The following NNT variants were observed in gnomAD, a reference collection of about 807,000 sequenced individuals.
The protein encoded by NNT is NAD(P) transhydrogenase, mitochondrial.
NNT carries 50 observed loss-of-function variants against 104.8 expected under a neutral mutation model. That is an observed-to-expected ratio of 0.48 (90% CI 0.38 to 0.60). The LOEUF (loss-of-function observed/expected upper bound fraction) is 0.60. Among genes scored for constraint, NNT ranks in the 20% least tolerant of loss-of-function variants. The probability of loss-of-function intolerance (pLI) is 0.00; values close to 1 mark genes in which losing one functional copy is unlikely to be tolerated. For missense variants in NNT, 1,131 were observed against 1,330.7 expected (o/e 0.85, Z 2.33); for synonymous variants, 461 against 490.4 (o/e 0.94, Z 0.79).
chr5:43,696,634 C>T (rs1742571838), intron 19 of NNT, among the ~76,000 whole-genome samples: 1 of 152,166 alleles, frequency 6.6e-6, no homozygotes. Context: ...TGTGAGGGCC[C>T]CACCCCCGTG....
At chr5:43,649,424 A>T (rs1314831539) in intron 11 of NNT, 116 bp downstream of exon 11, 1 of 1,213,318 alleles carries the variant, frequency 8.2e-7, no homozygotes, top group Admixed American at 2.0e-5. Flanking sequence ...TTGGCATCTG[A>T]GTCATCTGCT....
chr5:43,616,148 G>T, intron 4 of NNT, 83 bp downstream of exon 4: 1 of 1,085,896 alleles, frequency 9.2e-7, no homozygotes, highest in East Asian at 2.4e-5. Flanking sequence ...GTCTTACAGT[G>T]ATTTTATTTG....
chr5:43,625,910 A>G (rs986537402), intron 6 of NNT, among the ~76,000 whole-genome samples: 5 of 152,168 alleles, frequency 3.3e-5, no homozygotes, highest in Non-Finnish European at 7.4e-5. Flanking sequence ...TTAAAAATGT[A>G]ATTTTACTGT....
intron 19 of NNT, among the ~76,000 whole-genome samples, chr5:43,696,962 C>T (rs1272030684): frequency 2.0e-5 from 3 of 152,132 alleles, no homozygotes; most frequent in South Asian, 2.1e-4. Context: ...TTGCAAAGGT[C>T]GCTGACATGC....
At chr5:43,694,948 G>C (rs1160874115) in intron 19 of NNT, among the ~76,000 whole-genome samples, 1 of 152,102 alleles carries the variant, frequency 6.6e-6, no homozygotes, top group East Asian at 1.9e-4. Context: ...CTTTATTTTG[G>C]TTGGTAGACT....
At chr5:43,633,491 TC>T (rs1750788076) in intron 7 of NNT, among the ~76,000 whole-genome samples, 1 of 152,210 alleles carries the variant, frequency 6.6e-6, no homozygotes, top group Admixed American at 6.5e-5. Flanking sequence ...AATTACTACA[TC>T]CTCCATAGTT....
chr5:43,678,630 TCTTAAAAGAGAGGC>T (rs958581612), intron 19 of NNT, among the ~76,000 whole-genome samples: 7 of 152,160 alleles, frequency 4.6e-5, no homozygotes, highest in Admixed American at 2.0e-4. Flanking sequence ...AAACAAAAGG[TCTTAAAAGAGAGGC>T]CTTGAAGAGC....
intron 7 of NNT, among the ~76,000 whole-genome samples, chr5:43,636,531 A>G (rs1422379668): frequency 6.6e-6 from 1 of 152,190 alleles, no homozygotes; most frequent in East Asian, 1.9e-4. Flanking sequence ...GAAAATAAGC[A>G]GTACTGTTTC....
chr5:43,622,777 T>G (rs2111638938), intron 5 of NNT, among the ~76,000 whole-genome samples: 1 of 152,282 alleles, frequency 6.6e-6, no homozygotes, highest in African/African-American at 2.4e-5. Context: ...CACTGTGTCT[T>G]TTTCTTTACT....
intron 19 of NNT, among the ~76,000 whole-genome samples, chr5:43,684,375 C>CT (rs916995064): frequency 6.6e-6 from 1 of 151,896 alleles, no homozygotes; most frequent in Non-Finnish European, 1.5e-5. Flanking sequence ...TAAATGAACA[C>CT]TTTTTTTTCA....
chr5:43,618,013 A>G (rs1428752527), intron 4 of NNT, among the ~76,000 whole-genome samples: 1 of 152,196 alleles, frequency 6.6e-6, no homozygotes, highest in East Asian at 1.9e-4. Flanking sequence ...GCTTTATAAT[A>G]TTGAGCCAGT....
Position 43,605,924 on chromosome 5 carries a change from A to G in NNT, c.-54+2630A>G, listed in dbSNP as rs111838420. 4.8e-3 allele frequency among the ~76,000 whole-genome samples: 730 copies of G among 152,252 alleles called. 6 individuals are homozygous for G. The highest frequency in any genetic ancestry group is 0.016 in the African/African-American group (656 of 41,540). On this transcript the variant is annotated intron_variant, in intron 1 of 21. Transcript: ENST00000344920. Reference sequence around the variant, plus strand: ...CCTGCCAAGGATCTGCTGAACATCAAATTACCATTTTCCAAGTAGAAGGAA... The same window carrying G: ...CCTGCCAAGGATCTGCTGAACATCAGATTACCATTTTCCAAGTAGAAGGAA...
chr5:43,702,844 G>C lies in NNT; in HGVS notation c.3111+108G>C, dbSNP rs977880083. On this transcript the variant is annotated intron_variant, in intron 21 of 21. Transcript: ENST00000344920. Reference sequence around the variant, plus strand: ...AAGAAATGATGATGCCTTCTAGGAGGCCAGGAGTAAGAGCATGTTTAGGGC... The same window carrying C: ...AAGAAATGATGATGCCTTCTAGGAGCCCAGGAGTAAGAGCATGTTTAGGGC... The C allele has an allele frequency of 1.2e-5, 9 of 750,280 alleles. No homozygotes were observed. The African/African-American group carries it at 1.6e-4, about 13-fold the overall frequency. The allele number at this position is 750,280 out of a possible 1,614,324, so 46.5% of individuals were successfully genotyped here.
rs1292529834 is a variant in NNT at position 43,707,064 on chromosome 5, A to G, written c.*2660A>G. 6.6e-6 allele frequency: 1 copy of G among 152,178 alleles called. No homozygotes were observed. 9.4% of individuals were successfully genotyped at this position (152,178 alleles called of 1,614,324 possible). Reference sequence around the variant, plus strand: ...CAGCACACCAACATGGCACATGTATACATATGTAGCAAACCTGCACGTTGT... The same window carrying G: ...CAGCACACCAACATGGCACATGTATGCATATGTAGCAAACCTGCACGTTGT... On this transcript the variant is annotated 3_prime_UTR_variant, in exon 22 of 22. Transcript: ENST00000344920.
At chr5:43,672,030 C>A (rs1425627619) in intron 17 of NNT, among the ~76,000 whole-genome samples, 12 of 152,176 alleles carry the variant, frequency 7.9e-5, no homozygotes, top group African/African-American at 2.9e-4. Flanking sequence ...TCATTTCATT[C>A]ATTCGATCTT....
rs1414933779 is a variant in NNT at position 43,707,390 on chromosome 5, AAAAT to A, written c.*2989_*2992del. The A allele has an allele frequency of 6.6e-6, 1 of 152,170 alleles. No homozygotes were observed. Among genetic ancestry groups the A allele is most frequent in the African/African-American group, 2.4e-5 (1 of 41,458 alleles). 9.4% of individuals were successfully genotyped at this position (152,170 alleles called of 1,614,324 possible). A position where few individuals can be genotyped will look rare whatever the true frequency, so the allele number is the denominator to read the frequency against. ...TATACACAATAAATACATACATTAA[AAAAT>A]AAGTAAATGTATAAGTTTTTACACA... On this transcript the variant is annotated 3_prime_UTR_variant, in exon 22 of 22. Coordinates refer to ENST00000344920, the MANE Select transcript of NNT (RefSeq NM_182977.3).
chr5:43,693,541 C>CTGAA (rs1742398411), intron 19 of NNT, among the ~76,000 whole-genome samples: 1 of 152,108 alleles, frequency 6.6e-6, no homozygotes, highest in Non-Finnish European at 1.5e-5. Context: ...TGTAGTAGTA[C>CTGAA]TGAATATAGC....
chr5:43,605,051 T>G (rs1749132809), intron 1 of NNT, among the ~76,000 whole-genome samples: 1 of 152,094 alleles, frequency 6.6e-6, no homozygotes, highest in Non-Finnish European at 1.5e-5. Context: ...ACACAGCCAA[T>G]AAGTTGCAGA....
chr5:43,645,640 CATCTATCT>C (rs1319635971), intron 10 of NNT, 130 bp downstream of exon 10: 22 of 168,126 alleles, frequency 1.3e-4, no homozygotes, highest in African/African-American at 5.5e-4. Context: ...TATATCTACA[CATCTATCT>C]ATCTATCTCT....
Sources: allele counts gnomAD v4.1 joint callset (sites outside exome capture counted in the v4.1 genomes callset), GRCh38; gene constraint gnomAD v4.1.1; transcripts MANE v1.5; gene names NCBI Gene and HGNC (gene_info 2026-07-23, HGNC 2026-07-21).